ANKS1B: variants seen among roughly 807,000 people sequenced by gnomAD.
ANKS1B encodes ankyrin repeat and sterile alpha motif domain-containing protein 1B.
A neutral mutation model predicts 148.3 loss-of-function variants in ANKS1B; 36 were observed. The observed-to-expected ratio is 0.24, with a 90% confidence interval of 0.19 to 0.32. The LOEUF is 0.32. Among genes scored for constraint, ANKS1B ranks in the 10% least tolerant of loss-of-function variants. The pLI is 1.00. For missense variants in ANKS1B, 1,157 were observed against 1,542.6 expected, an observed-to-expected ratio of 0.75 and a Z score of 4.19; for synonymous variants, 542 against 560.8, an observed-to-expected ratio of 0.97 and a Z score of 0.47.
At chr12:99,523,272 A>G (rs2096893179) in intron 9 of ANKS1B, among the ~76,000 whole-genome samples, 1 of 152,196 alleles carries the variant, frequency 6.6e-6, no homozygotes, top group Non-Finnish European at 1.5e-5. Flanking sequence ...AATGGTGAGT[A>G]TTAAACCCCT....
intron 1 of ANKS1B, among the ~76,000 whole-genome samples, chr12:99,959,224 T>TG (rs2095370532): frequency 8.5e-6 from 1 of 117,360 alleles, no homozygotes; most frequent in African/African-American, 3.5e-5. Context: ...CCACACCCAG[T>TG]TAATTTTTTT....
chr12:98,830,125 G>A (rs2099288391), intron 18 of ANKS1B, among the ~76,000 whole-genome samples: 1 of 152,028 alleles, frequency 6.6e-6, no homozygotes, highest in African/African-American at 2.4e-5. Context: ...GGTTCAGAAG[G>A]GGAAGGAAAA....
chr12:98,908,281 A>G (rs2099782160), intron 17 of ANKS1B, among the ~76,000 whole-genome samples: 1 of 152,196 alleles, frequency 6.6e-6, no homozygotes. Flanking sequence ...GTTGACATTT[A>G]TTGTAATATC....
intron 8 of ANKS1B, among the ~76,000 whole-genome samples, chr12:99,718,160 A>G (rs1489675991): frequency 6.6e-6 from 1 of 152,026 alleles, no homozygotes; most frequent in Non-Finnish European, 1.5e-5. Context: ...TCTGCTTCCC[A>G]AAGTGCTGGG....
intron 1 of ANKS1B, among the ~76,000 whole-genome samples, chr12:99,931,343 A>T (rs1321875385): frequency 6.6e-6 from 1 of 152,088 alleles, no homozygotes; most frequent in African/African-American, 2.4e-5. Context: ...AAGTATAATA[A>T]TAATAAAATT....
intron 9 of ANKS1B, among the ~76,000 whole-genome samples, chr12:99,540,408 T>C (rs2097113738): frequency 6.6e-6 from 1 of 152,126 alleles, no homozygotes; most frequent in African/African-American, 2.4e-5. Context: ...GACCATGCAA[T>C]ATGAGACTTG....
intron 17 of ANKS1B, among the ~76,000 whole-genome samples, chr12:98,899,428 T>G (rs1241199024): frequency 6.6e-6 from 1 of 152,200 alleles, no homozygotes; most frequent in East Asian, 1.9e-4. Context: ...AATCAAAGAC[T>G]AATCTAGGTG....
At chr12:99,646,980 A>T (rs930964185) in intron 9 of ANKS1B, among the ~76,000 whole-genome samples, 8 of 151,824 alleles carry the variant, frequency 5.3e-5, no homozygotes, top group African/African-American at 1.9e-4. Flanking sequence ...TATCATGGCT[A>T]TAGAAACAGA....
intron 14 of ANKS1B, among the ~76,000 whole-genome samples, chr12:99,242,695 A>G (rs1032868226): frequency 6.6e-6 from 1 of 152,214 alleles, no homozygotes; most frequent in Non-Finnish European, 1.5e-5. Flanking sequence ...CAAAACAGAT[A>G]TATAGACCAA....
At chr12:99,494,500 G>A (rs939627028) in intron 10 of ANKS1B, among the ~76,000 whole-genome samples, 5 of 152,022 alleles carry the variant, frequency 3.3e-5, no homozygotes, top group African/African-American at 9.7e-5. Context: ...TTGGGAGGCC[G>A]AGGTGGGCGG....
At chr12:98,747,934 C>T (rs971471307) in intron 26 of ANKS1B, among the ~76,000 whole-genome samples, 7 of 151,870 alleles carry the variant, frequency 4.6e-5, no homozygotes, top group Non-Finnish European at 1.0e-4. Context: ...ATGGTGGTTA[C>T]CAGAGGCTGG....
intron 12 of ANKS1B, among the ~76,000 whole-genome samples, chr12:99,263,252 G>A (rs2076107414): frequency 6.6e-6 from 1 of 152,042 alleles, no homozygotes; most frequent in South Asian, 2.1e-4. Flanking sequence ...TAGCAGACTT[G>A]TTATCTCTGT....
At chr12:99,082,800 C>T (rs866208794) in intron 16 of ANKS1B, among the ~76,000 whole-genome samples, 8 of 152,086 alleles carry the variant, frequency 5.3e-5, no homozygotes, top group Middle Eastern at 3.2e-3. Flanking sequence ...ATGATAATAT[C>T]TGAGTTGAAC....
intron 15 of ANKS1B, among the ~76,000 whole-genome samples, chr12:99,112,632 G>A (rs1022417427): frequency 6.6e-6 from 1 of 152,028 alleles, no homozygotes; most frequent in African/African-American, 2.4e-5. Flanking sequence ...TATGTACCAG[G>A]TACATAACAG....
chr12:99,595,057 G>A (rs906944194), intron 9 of ANKS1B, among the ~76,000 whole-genome samples: 1 of 151,890 alleles, frequency 6.6e-6, no homozygotes, highest in East Asian at 1.9e-4. Context: ...CATAGACTTT[G>A]GTGCAGACTT....
In ANKS1B at chr12:99,246,381, G is replaced by C. The variant is rs77436242; in HGVS notation, c.2240C>G (p.Ser747Cys). ...KSDSDLIAYPSNEKTSRVNWS... is the reference protein window; with the variant it reads ...KSDSDLIAYPCNEKTSRVNWS... ...GTTAACTCTTGATGTTTTCTCATTG[G>C]AAGGATAGGCAATGAGATCAGAATC... Residue 747 changes from serine to cysteine, a missense_variant, in exon 13 of 27, where the codon TCC becomes TGC. By Grantham distance (112) the Ser-to-Cys change is moderately radical (BLOSUM62 -1). Transcript: ENST00000683438. 0.042 allele frequency: 67,420 copies of C among 1,613,398 alleles called. 1,708 individuals are homozygous for C. The highest frequency in any genetic ancestry group is 0.05 in the Non-Finnish European group (58,680 of 1,179,548).
chr12:99,552,960 T>C (rs2097237070), intron 9 of ANKS1B, among the ~76,000 whole-genome samples: 2 of 152,312 alleles, frequency 1.3e-5, no homozygotes, highest in South Asian at 2.1e-4. Flanking sequence ...TTTTTCCAAA[T>C]GTTTTCCACC....
chr12:99,943,660 A>T (rs2153817652), intron 1 of ANKS1B, among the ~76,000 whole-genome samples: 1 of 152,150 alleles, frequency 6.6e-6, no homozygotes, highest in South Asian at 2.1e-4. Flanking sequence ...ACAGTATGGG[A>T]AAGACCCACC....
intron 9 of ANKS1B, among the ~76,000 whole-genome samples, chr12:99,561,561 A>G (rs1467411155): frequency 6.6e-6 from 1 of 152,154 alleles, no homozygotes; most frequent in African/African-American, 2.4e-5. Context: ...TTATATCAAA[A>G]CTTAAGCAGC....
Sources: allele counts gnomAD v4.1 joint callset (sites outside exome capture counted in the v4.1 genomes callset), GRCh38; gene constraint gnomAD v4.1.1; transcripts MANE v1.5; gene names NCBI Gene and HGNC (gene_info 2026-07-23, HGNC 2026-07-21).